The following CSMD1 variants were observed in gnomAD, a reference collection of about 807,000 sequenced individuals.
CSMD1 encodes CUB and Sushi multiple domains 1.
Under a neutral mutation model 417.5 loss-of-function variants are expected in CSMD1, and 213 were observed. That is an observed-to-expected ratio of 0.51 (90% CI 0.46 to 0.57). The LOEUF is 0.57. CSMD1 is among the 20% of genes least tolerant of loss of function. The pLI is 0.00. For synonymous variants in CSMD1, 2,862 were observed against 1,736.8 expected (o/e 1.65, Z -16.11); for missense variants, 6,923 against 4,529.7 (o/e 1.53, Z -15.17).
rs542026222 is a variant in CSMD1 at position 4,044,570 on chromosome 8, G to A, written c.416-12471C>T. ...CTGTGATTCTACCACGGCAGAGCTC[G>A]GTCACCGGAAGGATAATTAAATCCG... On this transcript the variant is annotated intron_variant, in intron 3 of 69. Coordinates refer to ENST00000635120, the MANE Select transcript of CSMD1 (RefSeq NM_033225.6). Among the ~76,000 whole-genome samples, 6 of 152,264 alleles carry A rather than the reference G, an allele frequency of 3.9e-5. No homozygotes were observed. The South Asian group carries it at 8.3e-4, about 21-fold the overall frequency.
At chr8:4,183,560 T>C (rs1426357605) in intron 3 of CSMD1, among the ~76,000 whole-genome samples, 1 of 152,196 alleles carries the variant, frequency 6.6e-6, no homozygotes, top group Non-Finnish European at 1.5e-5. Context: ...GAGACAGACA[T>C]TCCTTTAAAA....
At position 4,986,222 on chromosome 8, in the gene CSMD1, A is replaced by G. The variant is rs140543443; in HGVS notation, c.85+8110T>C. On this transcript the variant is annotated intron_variant, in intron 1 of 69. Coordinates refer to ENST00000635120, the MANE Select transcript of CSMD1 (RefSeq NM_033225.6). The stretch of plus-strand genomic sequence containing the variant: ...TCACAGGAAGTGAAAATTTACTCAG[A>G]GCGCCGCCAGGAAAGATTTTAGGAA... Among the ~76,000 whole-genome samples, 881 of 152,296 alleles carry G rather than the reference A, an allele frequency of 5.8e-3. 12 individuals carry two copies. The highest frequency in any genetic ancestry group is 0.043 in the East Asian group (220 of 5,176).
chr8:4,495,911 G>A (rs1432394213), intron 2 of CSMD1, among the ~76,000 whole-genome samples: 1 of 152,062 alleles, frequency 6.6e-6, no homozygotes, highest in African/African-American at 2.4e-5. Context: ...CCTAACCCCA[G>A]GTTAGGATAA....
chr8:3,740,200 G>A (rs756132350), intron 6 of CSMD1, among the ~76,000 whole-genome samples: 3 of 152,148 alleles, frequency 2.0e-5, no homozygotes, highest in Non-Finnish European at 4.4e-5. Flanking sequence ...CCACCTCCCA[G>A]GTTCAAGTGA....
intron 2 of CSMD1, among the ~76,000 whole-genome samples, chr8:4,470,378 C>T (rs949989475): frequency 2.0e-5 from 3 of 152,186 alleles, no homozygotes; most frequent in African/African-American, 7.2e-5. Context: ...TCTCTCTTCC[C>T]TCTTATTTTT....
intron 3 of CSMD1, among the ~76,000 whole-genome samples, chr8:4,211,618 A>G (rs1800318875): frequency 6.6e-6 from 1 of 152,234 alleles, no homozygotes; most frequent in Non-Finnish European, 1.5e-5. Flanking sequence ...TTGCTCCATA[A>G]GAACAGTAAA....
At position 3,776,789 on chromosome 8, in the gene CSMD1, ATAGT is replaced by A. The variant is rs539948472; in HGVS notation, c.819-22751_819-22748del. ...AGAGATGATAGATGAGCAGTGATAG[ATAGT>A]GACATATAGACGAGATATATATATA... On this transcript the variant is annotated intron_variant, in intron 5 of 69. Coordinates refer to ENST00000635120, the MANE Select transcript of CSMD1 (RefSeq NM_033225.6). Among the ~76,000 whole-genome samples the A allele has an allele frequency of 3.7e-3, 414 of 112,554 alleles. 4 individuals carry two copies. Among genetic ancestry groups the A allele is most frequent in the African/African-American group, 0.016 (356 of 22,768 alleles). 73.8% of individuals were successfully genotyped at this position (112,554 alleles called of 152,430 possible). A position where few individuals can be genotyped will look rare whatever the true frequency, so the allele number is the denominator to read the frequency against.
intron 2 of CSMD1, among the ~76,000 whole-genome samples, chr8:4,428,905 G>C (rs939067675): frequency 6.6e-6 from 1 of 151,960 alleles, no homozygotes; most frequent in Non-Finnish European, 1.5e-5. Flanking sequence ...AACAGAGACA[G>C]GGTTTCACCA....
chr8:4,292,908 G>A (rs1051751517), intron 3 of CSMD1, among the ~76,000 whole-genome samples: 4 of 152,150 alleles, frequency 2.6e-5, no homozygotes, highest in African/African-American at 9.7e-5. Context: ...TGTTAGTTCT[G>A]CAAATTCATG....
At chr8:3,205,450 A>G (rs1393741639) in intron 31 of CSMD1, 54 bp downstream of exon 31, 2 of 914,150 alleles carry the variant, frequency 2.2e-6, no homozygotes, top group African/African-American at 3.4e-5. Flanking sequence ...TGACAGAAAA[A>G]TTAACACTGA....
At chr8:3,537,288 C>A (rs1020511508) in intron 10 of CSMD1, among the ~76,000 whole-genome samples, 2 of 152,218 alleles carry the variant, frequency 1.3e-5, no homozygotes, top group Non-Finnish European at 2.9e-5. Flanking sequence ...CAGGCATGAG[C>A]CATCATGCCC....
At chr8:4,971,403 T>C (rs1810229910) in intron 1 of CSMD1, among the ~76,000 whole-genome samples, 1 of 152,064 alleles carries the variant, frequency 6.6e-6, no homozygotes, top group Non-Finnish European at 1.5e-5. Flanking sequence ...GAAGAAACTC[T>C]TTTCTCTAAC....
At chr8:4,409,095 T>A (rs1015891709) in intron 3 of CSMD1, among the ~76,000 whole-genome samples, 5 of 152,220 alleles carry the variant, frequency 3.3e-5, no homozygotes, top group African/African-American at 1.2e-4. Flanking sequence ...AAGCCTTTTT[T>A]AAAGTTTAGC....
intron 3 of CSMD1, among the ~76,000 whole-genome samples, chr8:4,100,106 T>TC (rs1273822579): frequency 2.6e-5 from 4 of 152,196 alleles, no homozygotes; most frequent in Non-Finnish European, 5.9e-5. Flanking sequence ...TCACTGGCTT[T>TC]CTGACTCCGG....
intron 3 of CSMD1, among the ~76,000 whole-genome samples, chr8:4,167,345 A>G (rs1410228086): frequency 6.6e-6 from 1 of 152,218 alleles, no homozygotes; most frequent in African/African-American, 2.4e-5. Context: ...AGACTTTGTG[A>G]AGGGTGCCTG....
At chr8:3,261,447 A>G (rs1307577982) in intron 26 of CSMD1, among the ~76,000 whole-genome samples, 1 of 152,192 alleles carries the variant, frequency 6.6e-6, no homozygotes, top group East Asian at 1.9e-4. Context: ...CCAAAATCCT[A>G]CAAATCACCA....
At chr8:4,943,960 G>A (rs1808199770) in intron 1 of CSMD1, among the ~76,000 whole-genome samples, 1 of 152,128 alleles carries the variant, frequency 6.6e-6, no homozygotes, top group Non-Finnish European at 1.5e-5. Flanking sequence ...AATGTATTAA[G>A]GGAAAGAAAC....
At chr8:4,631,595 G>A (rs1229844967) in intron 2 of CSMD1, among the ~76,000 whole-genome samples, 1 of 152,012 alleles carries the variant, frequency 6.6e-6, no homozygotes, top group African/African-American at 2.4e-5. Context: ...TTTATGTTAG[G>A]TAGGTTTTGT....
At chr8:3,728,247 G>C (rs184477375) in intron 6 of CSMD1, among the ~76,000 whole-genome samples, 1 of 152,146 alleles carries the variant, frequency 6.6e-6, no homozygotes, top group East Asian at 1.9e-4. Context: ...CTTTCTCTTG[G>C]TTCTTATTCT....
Sources: gnomAD v4.1 joint callset for allele counts (sites outside exome capture counted in the v4.1 genomes callset) on GRCh38, gnomAD v4.1.1 for gene constraint, MANE v1.5 for transcripts, NCBI Gene and HGNC (gene_info 2026-07-23, HGNC 2026-07-21) for gene names.